SLIT2: variants seen among roughly 807,000 people sequenced by gnomAD.
The protein encoded by SLIT2 is slit guidance ligand 2, also known as slit homolog 2 protein.
Under a neutral mutation model 185.7 loss-of-function variants are expected in SLIT2, and 41 were observed. The ratio of observed to expected loss-of-function variants is 0.22; its 90% CI spans 0.17 to 0.29. SLIT2 has a LOEUF of 0.29. Ranked by LOEUF, SLIT2 falls within the 10% of genes least tolerant of loss-of-function variation. The pLI is 1.00. For missense variants in SLIT2, 1,571 were observed against 1,909.0 expected, an observed-to-expected ratio of 0.82 and a Z score of 3.30; for synonymous variants, 693 against 680.2, an observed-to-expected ratio of 1.02 and a Z score of -0.29.
rs538512834 is a variant in SLIT2, at chr4:20,391,055, A to G, written c.396-76697A>G. 5.7e-4 allele frequency among the ~76,000 whole-genome samples: 87 copies of G among 152,166 alleles called. No homozygotes were observed. The South Asian group carries it at 0.015, about 25-fold the overall frequency. The stretch of plus-strand genomic sequence containing the variant: ...ATGGAAAACATACTGTGCTTCAGGG[A>G]AGTATGCATACAAGTTGCTTTTATC... On this transcript the variant is annotated intron_variant, in intron 4 of 36. Transcript: ENST00000504154.
chr4:20,309,996 C>T (rs765922656), intron 4 of SLIT2, among the ~76,000 whole-genome samples: 3 of 151,964 alleles, frequency 2.0e-5, no homozygotes, highest in Non-Finnish European at 2.9e-5. Flanking sequence ...CTCCTGACCT[C>T]GTGATCTGCC....
At chr4:20,263,982 T>G (rs965635388) in intron 3 of SLIT2, among the ~76,000 whole-genome samples, 1 of 151,906 alleles carries the variant, frequency 6.6e-6, no homozygotes, top group African/African-American at 2.4e-5. Flanking sequence ...TGAAGAGATG[T>G]GAAGAAAAGC....
rs571397565 is a variant in SLIT2, at chr4:20,483,665, AAATC to A, written c.540-2532_540-2529del. Among the ~76,000 whole-genome samples, 46 of 152,200 alleles carry A rather than the reference AAATC, an allele frequency of 3.0e-4. 1 individual carries two copies. The South Asian group carries it at 9.5e-3, about 32-fold the overall frequency. ...ATGGTGGTAAGGGAATAAGATGACT[AAATC>A]AACATACAAGTGTGAGAGGTGCTCC... On this transcript the variant is annotated intron_variant, in intron 6 of 36. Coordinates refer to ENST00000504154, the MANE Select transcript of SLIT2 (RefSeq NM_004787.4).
chr4:20,403,590 C>T (rs981777360), intron 4 of SLIT2, among the ~76,000 whole-genome samples: 4 of 151,896 alleles, frequency 2.6e-5, no homozygotes, highest in African/African-American at 7.2e-5. Context: ...CTACTGGGAG[C>T]GTTCAGTGCT....
chr4:20,336,410 T>C (rs756747106), intron 4 of SLIT2, among the ~76,000 whole-genome samples: 5 of 152,116 alleles, frequency 3.3e-5, no homozygotes, highest in Non-Finnish European at 7.3e-5. Context: ...AAACCATCAT[T>C]GTGAGCAAAC....
In SLIT2 at chr4:20,532,611, C is replaced by T. The variant is rs1164168426; in HGVS notation, c.1688+553C>T. Among the ~76,000 whole-genome samples the T allele has an allele frequency of 9.2e-5, 14 of 152,308 alleles. No individual in the cohort carries two copies. In the South Asian group the frequency reaches 2.1e-3, roughly 23 times the overall value. The stretch of plus-strand genomic sequence containing the variant: ...GGGGAGGTGTGACGGGGAGACAGGA[C>T]ATAGGTCAATAGCATGGGACCAATG... On this transcript the variant is annotated intron_variant, in intron 17 of 36. Transcript: ENST00000504154.
intron 32 of SLIT2, among the ~76,000 whole-genome samples, chr4:20,597,474 G>A (rs929913422): frequency 1.3e-5 from 2 of 152,088 alleles, no homozygotes; most frequent in Non-Finnish European, 2.9e-5. Flanking sequence ...CTTTAAGCAA[G>A]TCATTCAGAT....
intron 29 of SLIT2, among the ~76,000 whole-genome samples, chr4:20,581,558 TTC>T (rs1448419177): frequency 6.6e-6 from 1 of 152,110 alleles, no homozygotes; most frequent in Admixed American, 6.6e-5. Context: ...ACAACTCCCT[TTC>T]TCTCTTTCCC....
chr4:20,567,170 T>C, intron 26 of SLIT2, 92 bp from the exon 27 acceptor site: 1 of 1,111,824 alleles, frequency 9.0e-7, no homozygotes, highest in Non-Finnish European at 1.3e-6. Context: ...ATAATAATTT[T>C]ATATGAAATT....
chr4:20,374,798 G>A (rs1205867342), intron 4 of SLIT2, among the ~76,000 whole-genome samples: 3 of 152,000 alleles, frequency 2.0e-5, no homozygotes, highest in Non-Finnish European at 4.4e-5. Flanking sequence ...ATACTCTGAA[G>A]AAATTAATGC....
intron 29 of SLIT2, among the ~76,000 whole-genome samples, chr4:20,572,572 A>G (rs926782959): frequency 6.6e-6 from 1 of 152,204 alleles, no homozygotes. Context: ...CTATGCAAAT[A>G]AAAACTATAA....
At chr4:20,408,891 G>C (rs1424872869) in intron 4 of SLIT2, among the ~76,000 whole-genome samples, 2 of 152,092 alleles carry the variant, frequency 1.3e-5, no homozygotes, top group East Asian at 3.9e-4. Context: ...TATGTAAATG[G>C]AAAGAAAGAA....
chr4:20,535,593 C>A (rs1722198752), intron 18 of SLIT2, among the ~76,000 whole-genome samples: 1 of 152,078 alleles, frequency 6.6e-6, no homozygotes, highest in African/African-American at 2.4e-5. Flanking sequence ...GCTTACACAA[C>A]AGAAACTGAT....
intron 6 of SLIT2, among the ~76,000 whole-genome samples, chr4:20,481,628 G>T (rs879843409): frequency 2.0e-5 from 3 of 151,880 alleles, no homozygotes; most frequent in Non-Finnish European, 2.9e-5. Context: ...AAATGTTAGG[G>T]TGTTTTTAGT....
At chr4:20,587,031 CTT>C (rs386399451) in intron 29 of SLIT2, among the ~76,000 whole-genome samples, 7 of 144,850 alleles carry the variant, frequency 4.8e-5, no homozygotes, top group Admixed American at 6.9e-5. Context: ...AAAATCAAAT[CTT>C]TTTTTTTTTT....
chr4:20,492,304 G>A lies in SLIT2; in HGVS notation c.914+405G>A, dbSNP rs183786264. On this transcript the variant is annotated intron_variant, in intron 9 of 36. Transcript: ENST00000504154. ...ATGCTCTGCCTCCTCGAGAGCTCAT[G>A]TTTTAAAAGGCAGTTTCACTGTTTT... Among the ~76,000 whole-genome samples, 247 of 152,296 alleles carry A rather than the reference G, an allele frequency of 1.6e-3. 1 individual carries two copies. Among genetic ancestry groups the A allele is most frequent in the African/African-American group, 5.8e-3 (240 of 41,560 alleles).
intron 4 of SLIT2, among the ~76,000 whole-genome samples, chr4:20,281,622 A>G (rs1714782572): frequency 6.6e-6 from 1 of 152,192 alleles, no homozygotes; most frequent in South Asian, 2.1e-4. Context: ...AATAGTTTCA[A>G]GGAAAGTTGT....
At chr4:20,429,153 C>G (rs1728775018) in intron 4 of SLIT2, among the ~76,000 whole-genome samples, 1 of 151,942 alleles carries the variant, frequency 6.6e-6, no homozygotes, top group African/African-American at 2.4e-5. Context: ...CCTGGGCACA[C>G]AGAGGTGCTT....
At chr4:20,371,711 A>G (rs1446009270) in intron 4 of SLIT2, among the ~76,000 whole-genome samples, 2 of 152,206 alleles carry the variant, frequency 1.3e-5, no homozygotes, top group Middle Eastern at 3.4e-3. Context: ...GATAACCACC[A>G]TTATACCTGG....
Sources: allele counts gnomAD v4.1 joint callset (sites outside exome capture counted in the v4.1 genomes callset), GRCh38; gene constraint gnomAD v4.1.1; transcripts MANE v1.5; gene names NCBI Gene and HGNC (gene_info 2026-07-23, HGNC 2026-07-21).